The following GALNT13 variants were observed in gnomAD, a reference collection of about 807,000 sequenced individuals.
GALNT13 encodes UDP-GalNAc:polypeptide N-acetylgalactosaminyltransferase 13.
GALNT13 carries 28 observed loss-of-function variants against 64.2 expected under a neutral mutation model. That is an observed-to-expected ratio of 0.44 (90% confidence interval 0.32 to 0.60). GALNT13 has a LOEUF of 0.60. Among genes scored for constraint, GALNT13 ranks in the 20% least tolerant of loss-of-function variants. The pLI is 0.05. For missense variants in GALNT13, 577 were observed against 669.8 expected, an observed-to-expected ratio of 0.86 and a Z score of 1.53; for synonymous variants, 214 against 224.6, an observed-to-expected ratio of 0.95 and a Z score of 0.42.
At chr2:154,105,306 A>G (rs181752326) in intron 3 of GALNT13, among the ~76,000 whole-genome samples, 2 of 152,220 alleles carry the variant, frequency 1.3e-5, no homozygotes, top group Admixed American at 6.5e-5. Context: ...ATAGTCATGT[A>G]CCACATAAGG....
the GALNT13 span, among the ~76,000 whole-genome samples, chr2:153,718,817 C>T: frequency 5.3e-5 from 8 of 152,164 alleles, no homozygotes; most frequent in Admixed American, 3.9e-4. Flanking sequence ...TTACAATACA[C>T]TTTGAAAATT....
chr2:153,595,629 C>A, the GALNT13 span, among the ~76,000 whole-genome samples: 8 of 151,862 alleles, frequency 5.3e-5, no homozygotes, highest in Admixed American at 4.6e-4. Context: ...AAAGATTCAT[C>A]AGAAATAAAA....
chr2:153,484,494 A>G, the GALNT13 span, among the ~76,000 whole-genome samples: 1 of 152,220 alleles, frequency 6.6e-6, no homozygotes, highest in African/African-American at 2.4e-5. Context: ...TGAAATTTTT[A>G]GTAAAAACTA....
chr2:153,728,241 C>T, the GALNT13 span, among the ~76,000 whole-genome samples: 4 of 152,120 alleles, frequency 2.6e-5, no homozygotes, highest in African/African-American at 2.4e-5. Flanking sequence ...ATGTTTTATA[C>T]TCCTTTGAGT....
chr2:153,981,540 C>A (rs1384374522), intron 3 of GALNT13, among the ~76,000 whole-genome samples: 2 of 152,140 alleles, frequency 1.3e-5, no homozygotes, highest in Non-Finnish European at 2.9e-5. Context: ...CTACAAAGGA[C>A]ATGAACTCAT....
chr2:153,553,813 C>T, the GALNT13 span, among the ~76,000 whole-genome samples: 2 of 152,090 alleles, frequency 1.3e-5, no homozygotes, highest in South Asian at 2.1e-4. Flanking sequence ...GAGAAATAGA[C>T]TTCAGACAGA....
At chr2:153,363,747 C>T in the GALNT13 span, among the ~76,000 whole-genome samples, 1 of 152,042 alleles carries the variant, frequency 6.6e-6, no homozygotes, top group Non-Finnish European at 1.5e-5. Flanking sequence ...TAATTAATAG[C>T]CTACCAACCA....
At chr2:154,032,613 G>GA (rs1698407567) in intron 3 of GALNT13, among the ~76,000 whole-genome samples, 1 of 151,684 alleles carries the variant, frequency 6.6e-6, no homozygotes, top group South Asian at 2.1e-4. Flanking sequence ...TTTAACATTA[G>GA]AAAATCAATG....
Position 154,408,973 on chromosome 2 carries a change from GT to G in GALNT13, c.1297-8del, listed in dbSNP as rs1322644265. ...ATGTTTTATCCCCCCCCTTTTGTGT[GT>G]TTCCTTTAGATAAGAAATGTTGAAA... On this transcript the variant is annotated splice_polypyrimidine_tract_variant and intron_variant, in intron 10 of 12. Coordinates refer to ENST00000392825, the MANE Select transcript of GALNT13 (RefSeq NM_052917.4). 1 of 1,564,670 alleles carries G rather than the reference GT, an allele frequency of 6.4e-7. No individual in the cohort carries two copies. The highest frequency in any genetic ancestry group is 8.8e-7 in the Non-Finnish European group (1 of 1,137,118).
At chr2:153,616,620 G>C in the GALNT13 span, among the ~76,000 whole-genome samples, 5 of 151,690 alleles carry the variant, frequency 3.3e-5, no homozygotes, top group South Asian at 1.0e-3. Context: ...GTGTTTTATA[G>C]TTTTTATTGT....
At chr2:153,345,663 CTT>C in the GALNT13 span, among the ~76,000 whole-genome samples, 2 of 138,680 alleles carry the variant, frequency 1.4e-5, no homozygotes, top group African/African-American at 5.5e-5. Context: ...TTCTTTCTTT[CTT>C]TCTTTCTTTC....
intron 11 of GALNT13, among the ~76,000 whole-genome samples, chr2:154,416,641 G>T (rs1223863320): frequency 2.0e-5 from 3 of 152,110 alleles, no homozygotes; most frequent in Non-Finnish European, 4.4e-5. Context: ...TTTCACTTTG[G>T]CTAGCTTTTT....
chr2:154,317,572 A>G (rs991659264), intron 9 of GALNT13, among the ~76,000 whole-genome samples: 11 of 152,192 alleles, frequency 7.2e-5, no homozygotes, highest in African/African-American at 2.7e-4. Flanking sequence ...CTAATAGACT[A>G]TATTAAAATG....
intron 3 of GALNT13, among the ~76,000 whole-genome samples, chr2:153,976,573 G>T (rs956852910): frequency 1.3e-5 from 2 of 152,048 alleles, no homozygotes; most frequent in Admixed American, 6.5e-5. Context: ...TAAAGAACAA[G>T]CTATATTGGA....
At chr2:153,164,563 A>G in the GALNT13 span, among the ~76,000 whole-genome samples, 2 of 152,196 alleles carry the variant, frequency 1.3e-5, no homozygotes, top group African/African-American at 4.8e-5. Context: ...GTATCTGGAT[A>G]TATGCATACA....
the GALNT13 span, among the ~76,000 whole-genome samples, chr2:153,666,202 G>A: frequency 6.6e-6 from 1 of 151,952 alleles, no homozygotes; most frequent in African/African-American, 2.4e-5. Flanking sequence ...TTCTGCAGGT[G>A]GGCCCTCACC....
At chr2:153,267,833 A>G in the GALNT13 span, among the ~76,000 whole-genome samples, 1 of 152,230 alleles carries the variant, frequency 6.6e-6, no homozygotes, top group Non-Finnish European at 1.5e-5. Context: ...ATCAGGCTGC[A>G]AATTTTCCAA....
the GALNT13 span, chr2:153,478,667 G>C: frequency 1.0e-6 from 1 of 956,092 alleles, no homozygotes; most frequent in Non-Finnish European, 1.5e-6. Context: ...TCGCAGACTA[G>C]CGCGTGCGAG....
chr2:153,682,203 C>T, the GALNT13 span, among the ~76,000 whole-genome samples: 28 of 151,770 alleles, frequency 1.8e-4, no homozygotes, highest in African/African-American at 6.8e-4. Flanking sequence ...GCTCTTCTGT[C>T]ATATTTATGG....
Sources: gnomAD v4.1 joint callset for allele counts (sites outside exome capture counted in the v4.1 genomes callset) on GRCh38, gnomAD v4.1.1 for gene constraint, MANE v1.5 for transcripts, NCBI Gene and HGNC (gene_info 2026-07-23, HGNC 2026-07-21) for gene names.